Variants in MTA3 observed in about 807,000 individuals in gnomAD.
The protein encoded by MTA3 is metastasis-associated protein MTA3.
In MTA3, 34 loss-of-function variants were observed where a neutral mutation model predicts 83.5. The ratio of observed to expected loss-of-function variants is 0.41; its 90% confidence interval spans 0.31 to 0.54. The LOEUF (loss-of-function observed/expected upper bound fraction) is 0.54, where lower values mean the gene tolerates loss of function less well. Among genes scored for constraint, MTA3 ranks in the 20% least tolerant of loss-of-function variants. The pLI is 0.33. For synonymous variants in MTA3, 303 were observed against 252.7 expected (o/e 1.20, Z -1.89); for missense variants, 761 against 726.4 (o/e 1.05, Z -0.55).
intron 14 of MTA3, among the ~76,000 whole-genome samples, chr2:42,715,050 T>G (rs1666928378): frequency 6.6e-6 from 1 of 152,224 alleles, no homozygotes; most frequent in Admixed American, 6.6e-5. Context: ...ATGTTCTCTC[T>G]GGACAGGTTT....
intron 4 of MTA3, among the ~76,000 whole-genome samples, chr2:42,615,258 TTC>T (rs1358601386): frequency 6.6e-6 from 1 of 151,598 alleles, no homozygotes; most frequent in Non-Finnish European, 1.5e-5. Context: ...GTCTGTTTTT[TTC>T]TTTTTTTTTT....
In MTA3 at chr2:42,568,669, G is replaced by T. The variant is rs1678074757; in HGVS notation, c.-77G>T. ...CAGCGACGGCGGCGGCGGCAGCGGCGGTCGCGGCTGAGGCTGAGGAGGAGG... is the reference window on the plus strand; with the variant it reads ...CAGCGACGGCGGCGGCGGCAGCGGCTGTCGCGGCTGAGGCTGAGGAGGAGG... On this transcript the variant is annotated 5_prime_UTR_variant, in exon 1 of 17. Coordinates refer to ENST00000405094, the MANE Select transcript of MTA3 (RefSeq NM_001330442.2). The T allele has an allele frequency of 1.8e-6, 2 of 1,114,234 alleles. No homozygotes were observed. Among genetic ancestry groups the T allele is most frequent in the Non-Finnish European group, 2.2e-6 (2 of 896,404 alleles). The allele number at this position is 1,114,234 out of a possible 1,614,324, so 69.0% of individuals were successfully genotyped here.
rs367873126 is a variant in MTA3, at chr2:42,538,635, G to C, written c.-140-31802G>C. The stretch of plus-strand genomic sequence containing the variant: ...ATGCAGGAGACTCACTTGAACCTGG[G>C]AGATGGAGATTGCAGTGAGCCCAGA... On this transcript the variant is annotated intron_variant, in intron 2 of 17. Coordinates refer to the MTA3 transcript ENST00000405592. Among the ~76,000 whole-genome samples, 6 of 149,716 alleles carry C rather than the reference G, an allele frequency of 4.0e-5. No homozygotes were observed. In the East Asian group the frequency reaches 9.9e-4, roughly 25 times the overall value.
At chr2:42,620,809 A>C (rs1203435028) in intron 4 of MTA3, among the ~76,000 whole-genome samples, 1 of 152,174 alleles carries the variant, frequency 6.6e-6, no homozygotes, top group Non-Finnish European at 1.5e-5. Flanking sequence ...ACTCGAGAAA[A>C]CATGGGATTG....
At chr2:42,650,236 G>A (rs977715616) in intron 6 of MTA3, among the ~76,000 whole-genome samples, 3 of 152,186 alleles carry the variant, frequency 2.0e-5, no homozygotes, top group South Asian at 2.1e-4. Flanking sequence ...TAGTTGTCAC[G>A]TCTGGTAGAG....
At position 42,664,466 on chromosome 2, in the gene MTA3, C is replaced by CTTTTTTTTTTTTTTTTTTTTTTTTTTTTT. The variant is rs35633597; in HGVS notation, c.702+4632_702+4633insTTTTTTTTTTTTTTTTTTTTTTTTTTTTT. Among the ~76,000 whole-genome samples the CTTTTTTTTTTTTTTTTTTTTTTTTTTTTT allele has an allele frequency of 1.6e-4, 14 of 85,746 alleles. 6 individuals are homozygous for CTTTTTTTTTTTTTTTTTTTTTTTTTTTTT. The highest frequency in any genetic ancestry group is 8.7e-4 in the South Asian group (2 of 2,312). 56.3% of individuals were successfully genotyped at this position (85,746 alleles called of 152,430 possible). On this transcript the variant is annotated intron_variant, in intron 8 of 16. Coordinates refer to ENST00000405094, the MANE Select transcript of MTA3 (RefSeq NM_001330442.2). ...CCTACTACCCCCTCACCCCGCTTAC[C>CTTTTTTTTTTTTTTTTTTTTTTTTTTTTT]TTTTTTTTTTTTTTTTTTTTTTTTT...
At chr2:42,523,389 C>T (rs1394263234) in intron 2 of MTA3, among the ~76,000 whole-genome samples, 8 of 152,076 alleles carry the variant, frequency 5.3e-5, no homozygotes, top group African/African-American at 1.2e-4. Context: ...CTTAATTGAA[C>T]GGCGTGTTCT....
intron 2 of MTA3, among the ~76,000 whole-genome samples, chr2:42,576,418 T>C (rs1188140475): frequency 6.6e-6 from 1 of 151,848 alleles, no homozygotes; most frequent in Non-Finnish European, 1.5e-5. Flanking sequence ...AGAGGTGAAA[T>C]TGGCTAGGTA....
intron 9 of MTA3, among the ~76,000 whole-genome samples, chr2:42,695,293 A>G (rs1184896585): frequency 1.3e-5 from 2 of 152,162 alleles, no homozygotes; most frequent in African/African-American, 2.4e-5. Context: ...CAAATATTCT[A>G]GAATGAATCT....
intron 8 of MTA3, among the ~76,000 whole-genome samples, chr2:42,672,469 C>T (rs1184326116): frequency 1.3e-5 from 2 of 151,314 alleles, no homozygotes; most frequent in Non-Finnish European, 1.5e-5. Context: ...ATGGTGAAAC[C>T]CTATCTCTAC....
chr2:42,624,725 C>G (rs1330926268), intron 4 of MTA3, among the ~76,000 whole-genome samples: 1 of 152,174 alleles, frequency 6.6e-6, no homozygotes, highest in African/African-American at 2.4e-5. Context: ...CTATACTATT[C>G]TGGTATGAAA....
intron 8 of MTA3, among the ~76,000 whole-genome samples, chr2:42,672,490 A>G (rs940189901): frequency 8.6e-5 from 13 of 151,528 alleles, no homozygotes; most frequent in Non-Finnish European, 2.9e-5. Context: ...TAAAAATACA[A>G]AAAAATTAGC....
At chr2:42,520,992 C>G (rs755581821) in intron 2 of MTA3, among the ~76,000 whole-genome samples, 23 of 152,182 alleles carry the variant, frequency 1.5e-4, no homozygotes, top group Non-Finnish European at 2.2e-4. Flanking sequence ...ATGGCAAACT[C>G]CTTGTTGGCA....
At chr2:42,507,572 A>G (rs1674690825) in intron 2 of MTA3, among the ~76,000 whole-genome samples, 1 of 152,056 alleles carries the variant, frequency 6.6e-6, no homozygotes, top group Non-Finnish European at 1.5e-5. Context: ...TTTGTTGGTT[A>G]TTATAAACCT....
chr2:42,547,838 A>G (rs1676828640), intron 2 of MTA3, among the ~76,000 whole-genome samples: 1 of 152,112 alleles, frequency 6.6e-6, no homozygotes, highest in African/African-American at 2.4e-5. Flanking sequence ...ACTAAGAAAA[A>G]TAAGATAAAC....
rs1041684056 is a variant in MTA3, at chr2:42,754,168, C to A, written c.*769C>A. The A allele has an allele frequency of 1.0e-6, 1 of 985,466 alleles. No homozygotes were observed. Among genetic ancestry groups the A allele is most frequent in the Non-Finnish European group, 1.2e-6 (1 of 829,966 alleles). The allele number at this position is 985,466 out of a possible 1,614,324, so 61.0% of individuals were successfully genotyped here. On this transcript the variant is annotated 3_prime_UTR_variant, in exon 17 of 17. Transcript: ENST00000405094. ...AAGAGCAGTTGTTAAAAGTGCCAAG[C>A]GTGTGTATCACTGTGACAAGCCGTT...
chr2:42,711,775 A>AGTGTGTGTTT (rs372997456), intron 14 of MTA3, among the ~76,000 whole-genome samples: 8,705 of 139,376 alleles, frequency 0.062, 374 homozygotes, highest in Middle Eastern at 0.12. Context: ...TGTATAGGAG[A>AGTGTGTGTTT]GAGAGAGAGT....
At chr2:42,615,557 T>C (rs1684761970) in intron 4 of MTA3, among the ~76,000 whole-genome samples, 2 of 151,878 alleles carry the variant, frequency 1.3e-5, no homozygotes, top group African/African-American at 4.8e-5. Flanking sequence ...GGTTTCACCA[T>C]GTTGGCCAAG....
rs1256043163 is a variant in MTA3 at position 42,549,664 on chromosome 2, A to G, written c.-140-20773A>G. Among the ~76,000 whole-genome samples, 13 of 130,296 alleles carry G rather than the reference A, an allele frequency of 1.0e-4. No homozygotes were observed. In the Admixed American group the frequency reaches 1.1e-3, roughly 11 times the overall value. The allele number at this position is 130,296 out of a possible 152,430, so 85.5% of individuals were successfully genotyped here. Reference sequence around the variant, plus strand: ...ATAATATATAATATATTATATACATATACATATATAATATATAATATATTA... The same window carrying G: ...ATAATATATAATATATTATATACATGTACATATATAATATATAATATATTA... On this transcript the variant is annotated intron_variant, in intron 2 of 17. Coordinates refer to the MTA3 transcript ENST00000405592.
Sources: gnomAD v4.1 joint callset for allele counts (sites outside exome capture counted in the v4.1 genomes callset) on GRCh38, gnomAD v4.1.1 for gene constraint, MANE v1.5 for transcripts, NCBI Gene and HGNC (gene_info 2026-07-23, HGNC 2026-07-21) for gene names.